The following OSBPL2 variants were observed in gnomAD, a reference collection of about 807,000 sequenced individuals.
The protein encoded by OSBPL2 is oxysterol binding protein like 2, also known as oxysterol-binding protein-related protein 2.
Under a neutral mutation model 58.4 loss-of-function variants are expected in OSBPL2, and 18 were observed. That is an observed-to-expected ratio of 0.31 (90% CI 0.21 to 0.46). OSBPL2 has a LOEUF of 0.46. Among genes scored for constraint, OSBPL2 ranks in the 20% least tolerant of loss-of-function variants. The probability of loss-of-function intolerance (pLI) is 1.00; values close to 1 mark genes in which losing one functional copy is unlikely to be tolerated. For missense variants in OSBPL2, 461 were observed against 616.5 expected (o/e 0.75, Z 2.67); for synonymous variants, 221 against 234.1 (o/e 0.94, Z 0.51).
intron 6 of OSBPL2, among the ~76,000 whole-genome samples, chr20:62,274,823 G>C (rs1226802537): frequency 6.6e-6 from 1 of 152,272 alleles, no homozygotes; most frequent in Non-Finnish European, 1.5e-5. Flanking sequence ...CAGGAACAGA[G>C]TGCAGACGGG....
chr20:62,256,435 G>T (rs185974504), intron 2 of OSBPL2, among the ~76,000 whole-genome samples: 2 of 152,174 alleles, frequency 1.3e-5, no homozygotes, highest in East Asian at 1.9e-4. Context: ...TAAGTCTCCC[G>T]AAGAGTTTCC....
chr20:62,242,008 C>T (rs537534589), intron 1 of OSBPL2, among the ~76,000 whole-genome samples: 4 of 152,352 alleles, frequency 2.6e-5, no homozygotes, highest in Middle Eastern at 3.4e-3. Flanking sequence ...TTGAACATGA[C>T]TGATTATTAA....
intron 9 of OSBPL2, 57 bp from the exon 10 acceptor site, chr20:62,283,989 T>A (rs1982953257): frequency 6.5e-7 from 1 of 1,547,362 alleles, no homozygotes. Flanking sequence ...GCCACATGTT[T>A]AGACAAATGG....
chr20:62,241,085 C>T (rs777946875), intron 1 of OSBPL2, among the ~76,000 whole-genome samples: 7 of 152,192 alleles, frequency 4.6e-5, no homozygotes, highest in Non-Finnish European at 5.9e-5. Context: ...ATGAGAGGTG[C>T]TGTTTGAATG....
chr20:62,292,080 G>A (rs550111448), intron 13 of OSBPL2, among the ~76,000 whole-genome samples: 25 of 152,318 alleles, frequency 1.6e-4, no homozygotes, highest in Admixed American at 3.3e-4. Flanking sequence ...GAGACCACCC[G>A]GCTGGGGGTG....
At chr20:62,272,322 C>A (rs1982117164) in intron 5 of OSBPL2, 63 bp downstream of exon 5, 2 of 1,580,290 alleles carry the variant, frequency 1.3e-6, no homozygotes, top group Non-Finnish European at 1.7e-6. Context: ...CATGTCTGGC[C>A]ACACAGTCTT....
intron 6 of OSBPL2, among the ~76,000 whole-genome samples, chr20:62,273,779 C>T (rs2236525): frequency 0.54 from 82,249 of 152,106 alleles, 22,388 homozygotes; most frequent in South Asian, 0.62. Context: ...TAGGCTGTTT[C>T]ACTAAAGCAT....
intron 7 of OSBPL2, chr20:62,280,094 G>T: frequency 7.7e-7 from 1 of 1,304,218 alleles, no homozygotes; most frequent in South Asian, 1.2e-5. Context: ...CCGGATGCTG[G>T]CGTCCTCCTG....
In OSBPL2 at chr20:62,289,223, G is replaced by C; in HGVS notation, c.1142G>C (p.Ser381Thr). The change falls in exon 12 of 14, where the codon AGT (serine) becomes ACT (threonine). Residue 381 changes from serine (S) to threonine (T), a missense_variant. This residue lies in a region of OSBPL2 where 319 missense variants were observed against 419.2 expected (regional missense o/e 0.76). Transcript: ENST00000313733. ...GCTCCACAGATGTATAATTTCACCAGTTTCACTGTGAGCCTCAACGAGCTG... is the reference window on the plus strand; with the variant it reads ...GCTCCACAGATGTATAATTTCACCACTTTCACTGTGAGCCTCAACGAGCTG... The part of the protein sequence containing the change: ...PNSAQMYNFT[S>T]FTVSLNELET... 1 of 1,613,804 alleles carries C rather than the reference G, an allele frequency of 6.2e-7. No homozygotes were observed. The highest frequency in any genetic ancestry group is 8.5e-7 in the Non-Finnish European group (1 of 1,179,850).
intron 5 of OSBPL2, 62 bp downstream of exon 5, chr20:62,272,321 C>A: frequency 6.3e-7 from 1 of 1,580,546 alleles, no homozygotes; most frequent in Non-Finnish European, 8.6e-7. Context: ...GCATGTCTGG[C>A]CACACAGTCT....
intron 6 of OSBPL2, among the ~76,000 whole-genome samples, chr20:62,277,077 C>G (rs1277171089): frequency 6.6e-6 from 1 of 151,780 alleles, no homozygotes; most frequent in Non-Finnish European, 1.5e-5. Context: ...GGTGAAACCT[C>G]GTTTCTGCTA....
chr20:62,251,003 T>C (rs1041570548), intron 1 of OSBPL2, among the ~76,000 whole-genome samples: 2 of 151,958 alleles, frequency 1.3e-5, no homozygotes, highest in Non-Finnish European at 2.9e-5. Context: ...TGCCTTCTAT[T>C]CTGGGAGGCT....
intron 1 of OSBPL2, chr20:62,255,075 GCTCT>G (rs1980828371): frequency 6.6e-6 from 1 of 150,832 alleles, no homozygotes; most frequent in African/African-American, 2.5e-5. Context: ...AAGCTCACCT[GCTCT>G]CTCTGACTGC....
intron 1 of OSBPL2, among the ~76,000 whole-genome samples, chr20:62,251,896 T>TTTC (rs869097046): frequency 8.8e-5 from 8 of 90,602 alleles, no homozygotes; most frequent in South Asian, 4.6e-4. Flanking sequence ...TTTTTTTTTT[T>TTTC]CTGGAGACAG....
At chr20:62,251,407 C>CTT (rs1249189807) in intron 1 of OSBPL2, among the ~76,000 whole-genome samples, 10 of 110,844 alleles carry the variant, frequency 9.0e-5, no homozygotes, top group Admixed American at 1.9e-4. Flanking sequence ...ACTATCGTGA[C>CTT]TTTTTTTTTT....
intron 4 of OSBPL2, 119 bp downstream of exon 4, chr20:62,263,810 A>C (rs553567943): frequency 1.2e-6 from 1 of 851,794 alleles, no homozygotes; most frequent in East Asian, 2.5e-5. Flanking sequence ...TCACGCCTAT[A>C]ATCTCAGCAC....
intron 7 of OSBPL2, 136 bp from the exon 8 acceptor site, chr20:62,280,922 G>T: frequency 1.5e-6 from 1 of 671,568 alleles, no homozygotes; most frequent in East Asian, 2.5e-5. Flanking sequence ...TCCGTCGCAG[G>T]GGCTTCAAAG....
chr20:62,273,652 C>T (rs1270546531), intron 6 of OSBPL2, among the ~76,000 whole-genome samples: 1 of 152,238 alleles, frequency 6.6e-6, no homozygotes, highest in Admixed American at 6.5e-5. Context: ...GTGTTCGACT[C>T]AAGCGTGGAG....
chr20:62,280,049 A>C, intron 7 of OSBPL2: 1 of 1,304,282 alleles, frequency 7.7e-7, no homozygotes, highest in Non-Finnish European at 1.0e-6. Flanking sequence ...CAAGTCTCCA[A>C]CAAATGCCGG....
Sources: gnomAD v4.1 joint callset for allele counts (sites outside exome capture counted in the v4.1 genomes callset) on GRCh38, gnomAD v4.1.1 for gene constraint, gnomAD v4.1.1 regional missense constraint, MANE v1.5 for transcripts, NCBI Gene and HGNC (gene_info 2026-07-23, HGNC 2026-07-21) for gene names.